TFEB: variants seen among roughly 807,000 people sequenced by gnomAD.
The protein encoded by TFEB is transcription factor EB.
A neutral mutation model predicts 48.0 loss-of-function variants in TFEB; 12 were observed. That is an observed-to-expected ratio of 0.25 (90% confidence interval 0.16 to 0.40). TFEB has a LOEUF of 0.40. Among genes scored for constraint, TFEB ranks in the 10% least tolerant of loss-of-function variants. The pLI is 1.00. For missense variants in TFEB, 509 were observed against 640.3 expected (o/e 0.79, Z 2.21); for synonymous variants, 244 against 261.4 (o/e 0.93, Z 0.64).
rs765494413 is a variant in TFEB, at chr6:41,689,765, C to T, written c.515G>A (p.Gly172Asp). The change falls in exon 4 of 9, where the codon GGC becomes GAC. Residue 172 changes from glycine (G) to aspartate (D), a missense_variant. Around this residue, in one of 4 missense-constraint regions of TFEB, gnomAD observed 251 missense variants for 317.2 expected, o/e 0.79. Transcript: ENST00000373033. Reference sequence around the variant, plus strand: ...CATCTGCATTTCAGGATTGATGTAGCCAAGGACATCGTCCAGACGCATAAT... The same window carrying T: ...CATCTGCATTTCAGGATTGATGTAGTCAAGGACATCGTCCAGACGCATAAT... ...DNIMRLDDVL[G>D]YINPEMQMPN... 2 of 1,614,112 alleles carry T rather than the reference C, an allele frequency of 1.2e-6. No homozygotes were observed. The highest frequency in any genetic ancestry group is 3.3e-5 in the Admixed American group (2 of 60,008).
At chr6:41,718,575 C>T (rs1489943295) in intron 1 of TFEB, among the ~76,000 whole-genome samples, 1 of 152,088 alleles carries the variant, frequency 6.6e-6, no homozygotes, top group Non-Finnish European at 1.5e-5. Flanking sequence ...ACTATATTCA[C>T]CATGCCGTAC....
Position 41,723,459 on chromosome 6 carries a change from AC to A in TFEB, c.-23+11890del. ...CACACATGCACGCGTGTGCTCTCAT[AC>A]CTTCGAGAGGGCAGCCCCCTGGAAG... On this transcript the variant is annotated intron_variant, in intron 1 of 8. Coordinates refer to ENST00000373033, the MANE Select transcript of TFEB (RefSeq NM_001271944.2). This position sits in a 1 kb window ranked among gnomAD's most constrained non-coding sequence, Gnocchi z 6.0. 7.8e-7 allele frequency: 1 copy of A among 1,287,308 alleles called. No individual in the cohort carries two copies. Among genetic ancestry groups the A allele is most frequent in the Middle Eastern group, 2.2e-4 (1 of 4,542 alleles). 79.7% of individuals were successfully genotyped at this position (1,287,308 alleles called of 1,614,324 possible).
chr6:41,729,056 A>G (rs1411012314), intron 1 of TFEB, among the ~76,000 whole-genome samples: 2 of 151,888 alleles, frequency 1.3e-5, no homozygotes, highest in Non-Finnish European at 1.5e-5. Context: ...TCACCTGAGG[A>G]CTGGCGGGCT....
intron 1 of TFEB, among the ~76,000 whole-genome samples, chr6:41,721,978 T>C (rs1397000579): frequency 6.7e-6 from 1 of 148,324 alleles, no homozygotes; most frequent in Non-Finnish European, 1.5e-5. Context: ...CCATTCCTTA[T>C]ATTATTATTA....
At chr6:41,733,499 G>A (rs777375348) in intron 1 of TFEB, 95 of 451,684 alleles carry the variant, frequency 2.1e-4, no homozygotes, top group Non-Finnish European at 2.7e-4. Context: ...GGCTTCCCTC[G>A]GGGAGAAGCA....
rs537060940 is a variant in TFEB, at chr6:41,714,663, C to T, written c.-23+20687G>A. On this transcript the variant is annotated intron_variant, in intron 1 of 8. Transcript: ENST00000373033. Reference sequence around the variant, plus strand: ...CTCCTGTGAGACACTGCTTCTGAGACGGACTATTGTCTTCAGGGGACCCCC... The same window carrying T: ...CTCCTGTGAGACACTGCTTCTGAGATGGACTATTGTCTTCAGGGGACCCCC... Among the ~76,000 whole-genome samples the T allele has an allele frequency of 5.5e-4, 84 of 152,296 alleles. 1 individual carries two copies. In the Middle Eastern group the frequency reaches 0.014, roughly 25 times the overall value.
At chr6:41,719,003 G>T (rs1770862227) in intron 1 of TFEB, among the ~76,000 whole-genome samples, 1 of 152,220 alleles carries the variant, frequency 6.6e-6, no homozygotes. Context: ...TGGTGGGCAG[G>T]CAGGCAGGTG....
chr6:41,687,525 C>G (rs1769073050), intron 6 of TFEB, among the ~76,000 whole-genome samples: 1 of 152,230 alleles, frequency 6.6e-6, no homozygotes, highest in Admixed American at 6.5e-5. Context: ...ATGAATATCC[C>G]TTACAGGAAT....
chr6:41,688,142 A>G, intron 4 of TFEB, 114 bp from the exon 5 acceptor site: 1 of 1,349,676 alleles, frequency 7.4e-7, no homozygotes, highest in Non-Finnish European at 1.0e-6. Context: ...GAGTGTCAAA[A>G]TTCACCTTGG....
intron 8 of TFEB, among the ~76,000 whole-genome samples, chr6:41,685,698 G>T (rs1431562590): frequency 2.0e-5 from 3 of 152,186 alleles, no homozygotes; most frequent in Non-Finnish European, 2.9e-5. Context: ...CCAGGCACAT[G>T]ATAGGTTTGC....
At chr6:41,700,734 G>A (rs1769874729) in intron 1 of TFEB, among the ~76,000 whole-genome samples, 1 of 152,138 alleles carries the variant, frequency 6.6e-6, no homozygotes, top group Non-Finnish European at 1.5e-5. Context: ...GAGAGAGGAA[G>A]GGCGGTCACA....
Position 41,724,186 on chromosome 6 carries a change from T to G in TFEB, c.-23+11164A>C, listed in dbSNP as rs1771110055. On this transcript the variant is annotated intron_variant, in intron 1 of 8. Coordinates refer to ENST00000373033, the MANE Select transcript of TFEB (RefSeq NM_001271944.2). This position sits in a 1 kb window ranked among gnomAD's most constrained non-coding sequence, Gnocchi z 4.4. ...ATACACATGCAAGTTCAGTGGTTCC[T>G]CAGCCCCCCAGCACTTTTTTAGCAG... Among the ~76,000 whole-genome samples, 1 of 152,238 alleles carries G rather than the reference T, an allele frequency of 6.6e-6. No homozygotes were observed. Among genetic ancestry groups the G allele is most frequent in the Non-Finnish European group, 1.5e-5 (1 of 68,036 alleles).
At chr6:41,696,242 G>A (rs1268629017) in intron 1 of TFEB, among the ~76,000 whole-genome samples, 1 of 152,176 alleles carries the variant, frequency 6.6e-6, no homozygotes. Context: ...ACTTGGAGCA[G>A]GAAGCTGAAA....
chr6:41,709,619 T>C (rs1331070795), intron 1 of TFEB, among the ~76,000 whole-genome samples: 1 of 151,470 alleles, frequency 6.6e-6, no homozygotes, highest in Admixed American at 6.6e-5. Context: ...AAAAGGTGGA[T>C]ATAATGGTGG....
chr6:41,725,075 T>A (rs1024864363), intron 1 of TFEB, among the ~76,000 whole-genome samples: 4 of 152,172 alleles, frequency 2.6e-5, no homozygotes, highest in Non-Finnish European at 5.9e-5. Context: ...TTGCTATCCG[T>A]TTTTCAGATT....
intron 1 of TFEB, among the ~76,000 whole-genome samples, chr6:41,727,996 G>A (rs1771281989): frequency 1.3e-5 from 2 of 152,182 alleles, no homozygotes; most frequent in South Asian, 4.1e-4. Context: ...AGCCCTTCCT[G>A]GGGCCCAGAA....
At chr6:41,709,581 C>T (rs1040907228) in intron 1 of TFEB, among the ~76,000 whole-genome samples, 38 of 138,346 alleles carry the variant, frequency 2.7e-4, no homozygotes, top group African/African-American at 9.3e-4. Context: ...ATAATGGATG[C>T]ATGCCTAAAT....
In TFEB at chr6:41,734,689, G is replaced by C. The variant is rs1401680044; in HGVS notation, c.-23+661C>G. On this transcript the variant is annotated intron_variant, in intron 1 of 8. Coordinates refer to ENST00000373033, the MANE Select transcript of TFEB (RefSeq NM_001271944.2). This position sits in a 1 kb window ranked among gnomAD's most constrained non-coding sequence, Gnocchi z 4.0. ...TCCCCAGGGTCATAGAATAACCCACGGGGAGAAAGAGACTGCCCAGGGACT... is the reference window on the plus strand; with the variant it reads ...TCCCCAGGGTCATAGAATAACCCACCGGGAGAAAGAGACTGCCCAGGGACT... Among the ~76,000 whole-genome samples the C allele has an allele frequency of 2.6e-5, 4 of 151,960 alleles. No individual in the cohort carries two copies. In the East Asian group the frequency reaches 7.8e-4, roughly 30 times the overall value.
intron 1 of TFEB, among the ~76,000 whole-genome samples, chr6:41,729,076 A>G (rs1771341221): frequency 6.6e-6 from 1 of 151,580 alleles, no homozygotes; most frequent in African/African-American, 2.4e-5. Flanking sequence ...TCAGACACCA[A>G]TCTCGCCCCC....
Sources: allele counts gnomAD v4.1 joint callset (sites outside exome capture counted in the v4.1 genomes callset), GRCh38; gene constraint gnomAD v4.1.1; regional missense constraint gnomAD v4.1.1; non-coding constraint Gnocchi (gnomAD v3.1); transcripts MANE v1.5; gene names NCBI Gene and HGNC (gene_info 2026-07-23, HGNC 2026-07-21).